PCTP: variants seen among roughly 807,000 people sequenced by gnomAD.
PCTP encodes the protein phosphatidylcholine transfer protein.
Under a neutral mutation model 31.0 loss-of-function variants are expected in PCTP, and 27 were observed. The observed-to-expected ratio is 0.87, with a 90% CI of 0.64 to 1.20. PCTP has a LOEUF of 1.20. PCTP is among the 50% of genes most tolerant of loss of function. The probability of loss-of-function intolerance (pLI) is 0.00; values close to 1 mark genes in which losing one functional copy is unlikely to be tolerated. For missense variants in PCTP, 287 were observed against 268.2 expected (o/e 1.07, Z -0.49); for synonymous variants, 108 against 101.2 (o/e 1.07, Z -0.40).
At chr17:55,842,038 A>G (rs967837850) in intron 5 of PCTP, among the ~76,000 whole-genome samples, 4 of 152,234 alleles carry the variant, frequency 2.6e-5, no homozygotes, top group Non-Finnish European at 4.4e-5. Flanking sequence ...TACTGAATAT[A>G]TATTATGCAC....
At chr17:55,775,643 T>C (rs1911287275) in intron 5 of PCTP, 1 of 1,200,222 alleles carries the variant, frequency 8.3e-7, no homozygotes, top group Non-Finnish European at 1.0e-6. Context: ...TAATAATATA[T>C]CCTGCTCCTT....
intron 3 of PCTP, among the ~76,000 whole-genome samples, chr17:55,792,289 T>C (rs1289416655): frequency 6.8e-6 from 1 of 147,502 alleles, no homozygotes; most frequent in African/African-American, 2.5e-5. Flanking sequence ...ACATGTACCC[T>C]AAAACTTAAA....
chr17:55,845,417 T>C (rs942336985), downstream of PCTP, among the ~76,000 whole-genome samples: 2 of 152,040 alleles, frequency 1.3e-5, no homozygotes, highest in Non-Finnish European at 1.5e-5. Context: ...TCCATCCCCG[T>C]TCCCCGCGGG....
chr17:55,789,001 C>A (rs1288886297), intron 3 of PCTP, among the ~76,000 whole-genome samples: 1 of 152,124 alleles, frequency 6.6e-6, no homozygotes, highest in Admixed American at 6.6e-5. Context: ...AGCCTGGCAC[C>A]TACTGGCTTC....
intron 2 of PCTP, among the ~76,000 whole-genome samples, chr17:55,782,912 G>A (rs1390339826): frequency 6.6e-6 from 1 of 152,104 alleles, no homozygotes; most frequent in Non-Finnish European, 1.5e-5. Context: ...AGCTCCAAAA[G>A]GGTACAGAAC....
chr17:55,768,011 T>C (rs901765864), intron 2 of PCTP, among the ~76,000 whole-genome samples: 28 of 151,514 alleles, frequency 1.8e-4, no homozygotes, highest in African/African-American at 6.8e-4. Context: ...TAAGAATTGC[T>C]TGAACCCAAG....
At chr17:55,783,119 A>C (rs1021692510) in intron 2 of PCTP, among the ~76,000 whole-genome samples, 5 of 152,222 alleles carry the variant, frequency 3.3e-5, no homozygotes, top group Non-Finnish European at 5.9e-5. Context: ...TTTTTACCAA[A>C]GAGGGAACAC....
At chr17:55,761,749 CAT>C in intron 1 of PCTP, among the ~76,000 whole-genome samples, 1 of 151,788 alleles carries the variant, frequency 6.6e-6, no homozygotes, top group Middle Eastern at 3.4e-3. Context: ...ATTTAATATC[CAT>C]TAAAGTGTCC....
downstream of PCTP, among the ~76,000 whole-genome samples, chr17:55,779,053 A>T (rs150044442): frequency 1.1e-4 from 16 of 152,282 alleles, no homozygotes; most frequent in Admixed American, 2.6e-4. Flanking sequence ...GAGATGAGGC[A>T]GGAAGAGCCC....
In PCTP at chr17:55,815,171, A is replaced by G. The variant is rs139865884; in HGVS notation, c.318-7590A>G. On this transcript the variant is annotated intron_variant, in intron 3 of 3. Coordinates refer to the PCTP transcript ENST00000572536. ...TTACTATAATATTTAAGATATTTAA[A>G]TTAGTTTAAGAGTTTAAAAAGCATG... is the stretch of plus-strand genomic sequence containing the variant. Among the ~76,000 whole-genome samples, 140 of 152,338 alleles carry G rather than the reference A, an allele frequency of 9.2e-4. 1 individual carries two copies. The highest frequency in any genetic ancestry group is 3.3e-3 in the African/African-American group (138 of 41,570).
At chr17:55,844,364 T>A (rs1906076590), downstream of PCTP, among the ~76,000 whole-genome samples, 1 of 152,186 alleles carries the variant, frequency 6.6e-6, no homozygotes, top group African/African-American at 2.4e-5. Context: ...CTGTGTCCTG[T>A]GCAAAGCTGA....
intron 2 of PCTP, among the ~76,000 whole-genome samples, chr17:55,783,185 G>A (rs1241286504): frequency 1.3e-5 from 2 of 151,846 alleles, no homozygotes; most frequent in African/African-American, 4.9e-5. Flanking sequence ...GTTTTCCAGG[G>A]TTTTGTTCTT....
At chr17:55,813,850 C>T (rs574341275) in intron 3 of PCTP, among the ~76,000 whole-genome samples, 102 of 152,172 alleles carry the variant, frequency 6.7e-4, no homozygotes, top group Admixed American at 1.7e-3. Flanking sequence ...CAAGACCAGC[C>T]TGGACAATAT....
intron 3 of PCTP, 113 bp from the exon 4 acceptor site, chr17:55,773,611 C>T: frequency 9.8e-7 from 1 of 1,016,848 alleles, no homozygotes; most frequent in East Asian, 2.6e-5. Flanking sequence ...TAGAAAGGAG[C>T]AAATGCCAAG....
chr17:55,798,192 A>G (rs1316245017), intron 3 of PCTP, among the ~76,000 whole-genome samples: 1 of 152,020 alleles, frequency 6.6e-6, no homozygotes, highest in Non-Finnish European at 1.5e-5. Flanking sequence ...TAAAAAGAAG[A>G]ATAGAAAATG....
chr17:55,753,585 T>C (rs763996128), intron 1 of PCTP, among the ~76,000 whole-genome samples: 1 of 152,224 alleles, frequency 6.6e-6, no homozygotes, highest in East Asian at 1.9e-4. Context: ...CCTCCAGTCC[T>C]GTGTCTTCAA....
chr17:55,796,506 C>T (rs1388059305), intron 3 of PCTP, among the ~76,000 whole-genome samples: 1 of 151,932 alleles, frequency 6.6e-6, no homozygotes, highest in Admixed American at 6.6e-5. Flanking sequence ...GAAATGATGC[C>T]TACCATGAGT....
At chr17:55,751,356 G>A in intron 1 of PCTP, 112 bp downstream of exon 1, 4 of 1,527,538 alleles carry the variant, frequency 2.6e-6, no homozygotes, top group Non-Finnish European at 3.5e-6. Context: ...GTCTTCTCCG[G>A]CTCAGGAAGG....
intron 3 of PCTP, among the ~76,000 whole-genome samples, chr17:55,800,378 T>A (rs1912335743): frequency 6.6e-6 from 1 of 151,926 alleles, no homozygotes; most frequent in Admixed American, 6.6e-5. Flanking sequence ...CTATTGATAC[T>A]TGTGTGTGCT....
Sources: allele counts gnomAD v4.1 joint callset (sites outside exome capture counted in the v4.1 genomes callset), GRCh38; gene constraint gnomAD v4.1.1; transcripts MANE v1.5; gene names NCBI Gene and HGNC (gene_info 2026-07-23, HGNC 2026-07-21).